The following SKIL variants were observed in gnomAD, a reference collection of about 807,000 sequenced individuals.
The protein encoded by SKIL is SKI like proto-oncogene.
A neutral mutation model predicts 69.6 loss-of-function variants in SKIL; 20 were observed. That is an observed-to-expected ratio of 0.29 (90% CI 0.20 to 0.42). The LOEUF (loss-of-function observed/expected upper bound fraction) is 0.42, where lower values mean the gene tolerates loss of function less well. Among genes scored for constraint, SKIL ranks in the 10% least tolerant of loss-of-function variants. SKIL has a pLI of 1.00. For synonymous variants in SKIL, 310 were observed against 279.9 expected (o/e 1.11, Z -1.08); for missense variants, 745 against 783.1 (o/e 0.95, Z 0.58).
Position 170,391,106 on chromosome 3 carries a change from A to G in SKIL, c.1742A>G (p.Glu581Gly). 1 of 1,610,786 alleles carries G rather than the reference A, an allele frequency of 6.2e-7. No homozygotes were observed. The highest frequency in any genetic ancestry group is 8.5e-7 in the Non-Finnish European group (1 of 1,177,042). ...LTEEQQNLQK[E>G]LESLQNEHAQ... ...GAAGAACAGCAGAATTTACAGAAAG[A>G]GCTTGAATCTTTGCAGAATGAACAT... The change falls in exon 6 of 7, where the codon GAG (glutamate) becomes GGG (glycine). Residue 581 changes from glutamate (E) to glycine (G), a missense_variant. Glu to Gly is a moderately conservative substitution (Grantham distance 98). Coordinates refer to ENST00000259119, the MANE Select transcript of SKIL (RefSeq NM_005414.5).
chr3:170,375,259 A>G (rs954466802), intron 2 of SKIL, among the ~76,000 whole-genome samples: 7 of 152,220 alleles, frequency 4.6e-5, no homozygotes, highest in African/African-American at 1.7e-4. Context: ...AGGAAATAAA[A>G]TAAAGAATAG....
intron 4 of SKIL, among the ~76,000 whole-genome samples, chr3:170,386,056 A>G (rs1399118519): frequency 6.8e-6 from 1 of 147,682 alleles, no homozygotes; most frequent in Admixed American, 6.9e-5. Context: ...CCTCCCAACC[A>G]AAGTGCTGGG....
At chr3:170,387,794 C>T (rs1227473523) in intron 4 of SKIL, among the ~76,000 whole-genome samples, 1 of 117,940 alleles carries the variant, frequency 8.5e-6, no homozygotes, top group East Asian at 2.6e-4. Context: ...ATTAGCCGGG[C>T]GTAGTGGCGG....
At chr3:170,362,585 T>G (rs1736298914) in intron 2 of SKIL, among the ~76,000 whole-genome samples, 1 of 151,538 alleles carries the variant, frequency 6.6e-6, no homozygotes, top group South Asian at 2.1e-4. Flanking sequence ...GAGGCCCAGG[T>G]GGGCAGATCA....
Position 170,360,919 on chromosome 3 carries a change from G to T in SKIL, c.588G>T (p.Arg196Ser), listed in dbSNP as rs748865964. 1.9e-6 allele frequency: 3 copies of T among 1,613,982 alleles called. No homozygotes were observed. Among genetic ancestry groups the T allele is most frequent in the South Asian group, 2.2e-5 (2 of 91,086 alleles). Residue 196 changes from arginine to serine, a missense_variant, in exon 2 of 7, where the codon AGG becomes AGT. Coordinates refer to ENST00000259119, the MANE Select transcript of SKIL (RefSeq NM_005414.5). Reference sequence around the variant, plus strand: ...ATGAACTGTACATATATTGTTCAAGGTGTACTTCAGACCAGCTTCATATCT... The same window carrying T: ...ATGAACTGTACATATATTGTTCAAGTTGTACTTCAGACCAGCTTCATATCT... ...VCDELYIYCS[R>S]CTSDQLHILK...
intron 3 of SKIL, 89 bp downstream of exon 3, chr3:170,381,430 A>G (rs75250158): frequency 0.021 from 14,455 of 693,268 alleles, 293 homozygotes; most frequent in East Asian, 0.081. Context: ...TGGGAATTTA[A>G]TTATTTATTT....
At chr3:170,369,859 C>G (rs889620958) in intron 2 of SKIL, among the ~76,000 whole-genome samples, 2 of 152,168 alleles carry the variant, frequency 1.3e-5, no homozygotes, top group African/African-American at 4.8e-5. Flanking sequence ...TTTTATTCTA[C>G]TGGGATTCAT....
intron 2 of SKIL, among the ~76,000 whole-genome samples, chr3:170,361,944 T>C (rs1217130222): frequency 6.6e-6 from 1 of 152,146 alleles, no homozygotes; most frequent in Non-Finnish European, 1.5e-5. Flanking sequence ...CTACATCTGT[T>C]GTTTTTCTAG....
intron 4 of SKIL, among the ~76,000 whole-genome samples, chr3:170,387,110 C>T (rs564566679): frequency 3.3e-5 from 5 of 151,850 alleles, no homozygotes; most frequent in Admixed American, 1.3e-4. Flanking sequence ...CTCTGCCTCC[C>T]GGGTTCAAGC....
intron 4 of SKIL, among the ~76,000 whole-genome samples, chr3:170,389,414 C>T (rs1242691077): frequency 2.7e-5 from 4 of 149,944 alleles, no homozygotes; most frequent in Non-Finnish European, 4.5e-5. Context: ...CCCAGGTTCA[C>T]GCCATTCTTC....
At chr3:170,359,370 C>T (rs1341249521) in intron 1 of SKIL, among the ~76,000 whole-genome samples, 1 of 152,078 alleles carries the variant, frequency 6.6e-6, no homozygotes. Flanking sequence ...CCCGGGCGGG[C>T]GGATCACCTG....
chr3:170,371,045 C>T (rs1442307093), intron 2 of SKIL, among the ~76,000 whole-genome samples: 1 of 152,076 alleles, frequency 6.6e-6, no homozygotes, highest in Non-Finnish European at 1.5e-5. Context: ...ATTATGAAAA[C>T]AATATAGGCC....
At position 170,395,927 on chromosome 3, in the gene SKIL, T is replaced by TA. The variant is rs1379821905; in HGVS notation, c.*3510_*3511insA. ...TTGAATAAACAGCCTAATTTTTTTT[T>TA]TCTAGTATAGGGTACTTAAGCATTT... On this transcript the variant is annotated 3_prime_UTR_variant, in exon 7 of 7. Coordinates refer to ENST00000259119, the MANE Select transcript of SKIL (RefSeq NM_005414.5). The TA allele has an allele frequency of 1.3e-5, 2 of 151,708 alleles. No individual in the cohort carries two copies. Among genetic ancestry groups the TA allele is most frequent in the East Asian group, 3.9e-4 (2 of 5,186 alleles). 9.4% of individuals were successfully genotyped at this position (151,708 alleles called of 1,614,324 possible).
In SKIL at chr3:170,381,361, T is replaced by C. The variant is rs1251024000; in HGVS notation, c.1196+20T>C. 1 of 1,145,614 alleles carries C rather than the reference T, an allele frequency of 8.7e-7. No homozygotes were observed. The highest frequency in any genetic ancestry group is 1.2e-5 in the South Asian group (1 of 81,624). 71.0% of individuals were successfully genotyped at this position (1,145,614 alleles called of 1,614,324 possible). The stretch of plus-strand genomic sequence containing the variant: ...CCCCAGGTGAGTTGGTATTTATTTG[T>C]TCGTTTGTTCATTCATTTCTTCATT... On this transcript the variant is annotated intron_variant, in intron 3 of 6. Coordinates refer to ENST00000259119, the MANE Select transcript of SKIL (RefSeq NM_005414.5).
In SKIL at chr3:170,393,724, C is replaced by A. The variant is rs1474391106; in HGVS notation, c.*1307C>A. 1 of 151,890 alleles carries A rather than the reference C, an allele frequency of 6.6e-6. No individual in the cohort carries two copies. Among genetic ancestry groups the A allele is most frequent in the Non-Finnish European group, 1.5e-5 (1 of 67,966 alleles). 9.4% of individuals were successfully genotyped at this position (151,890 alleles called of 1,614,324 possible). On this transcript the variant is annotated 3_prime_UTR_variant, in exon 7 of 7. Coordinates refer to ENST00000259119, the MANE Select transcript of SKIL (RefSeq NM_005414.5). The stretch of plus-strand genomic sequence containing the variant: ...ACTATCATTAATTGACATTATTACC[C>A]CATGGATTTTATGGGATAATAAATG...
In SKIL at chr3:170,381,271, C is replaced by A; in HGVS notation, c.1126C>A (p.Gln376Lys). Residue 376 changes from glutamine (Q) to lysine (K), a missense_variant, in exon 3 of 7, where the codon CAG (glutamine) becomes AAG (lysine). By Grantham distance (53) the Gln-to-Lys change is moderately conservative (BLOSUM62 1). Transcript: ENST00000259119. ...AGATGCACCATCAGGAATGGAATTA[C>A]AGTCATGGTATCCTGTTATAAAGCA... is the stretch of plus-strand genomic sequence containing the variant. ...KTDAPSGMEL[Q>K]SWYPVIKQEG... 1 of 1,592,504 alleles carries A rather than the reference C, an allele frequency of 6.3e-7. No homozygotes were observed. The highest frequency in any genetic ancestry group is 8.6e-7 in the Non-Finnish European group (1 of 1,160,408).
chr3:170,381,877 C>T (rs112071905), intron 3 of SKIL, among the ~76,000 whole-genome samples: 2 of 151,918 alleles, frequency 1.3e-5, no homozygotes, highest in African/African-American at 4.8e-5. Flanking sequence ...GTCAGGAGAT[C>T]GAGACCATCC....
rs749331394 is a variant in SKIL, at chr3:170,360,699, C to G, written c.368C>G (p.Pro123Arg). 3.7e-6 allele frequency: 6 copies of G among 1,614,216 alleles called. No homozygotes were observed. Among genetic ancestry groups the G allele is most frequent in the Non-Finnish European group, 5.1e-6 (6 of 1,180,050 alleles). ...QESMSPTVFL[P>R]LPSPQVLPGP... ...AGCATGTCGCCTACTGTATTTCTGC[C>G]TCTTCCATCACCTCAGGTTCTTCCT... The change falls in exon 2 of 7, where the codon CCT becomes CGT. Residue 123 changes from proline (P) to arginine (R), a missense_variant. Transcript: ENST00000259119.
rs567191617 is a variant in SKIL, at chr3:170,386,469, C to G, written c.1429+1704C>G. Among the ~76,000 whole-genome samples the G allele has an allele frequency of 3.9e-4, 60 of 151,980 alleles. No homozygotes were observed. The South Asian group carries it at 0.01, about 26-fold the overall frequency. On this transcript the variant is annotated intron_variant, in intron 4 of 6. Coordinates refer to ENST00000259119, the MANE Select transcript of SKIL (RefSeq NM_005414.5). ...CATTTATTTTGAGGGTTTTTTGTTTCGTTTTTCTTTTTTAGAGACAGAGTC... is the reference window on the plus strand; with the variant it reads ...CATTTATTTTGAGGGTTTTTTGTTTGGTTTTTCTTTTTTAGAGACAGAGTC...
Sources: gnomAD v4.1 joint callset for allele counts (sites outside exome capture counted in the v4.1 genomes callset) on GRCh38, gnomAD v4.1.1 for gene constraint, MANE v1.5 for transcripts, NCBI Gene and HGNC (gene_info 2026-07-23, HGNC 2026-07-21) for gene names.